The following SAMSN1 variants were observed in gnomAD, a reference collection of about 807,000 sequenced individuals.
The protein encoded by SAMSN1 is SAM domain, SH3 domain and nuclear localization signals 1, also known as SAM domain-containing protein SAMSN-1.
In SAMSN1, 31 loss-of-function variants were observed where a neutral mutation model predicts 42.0. The ratio of observed to expected loss-of-function variants is 0.74; its 90% confidence interval spans 0.55 to 1.00. The LOEUF (loss-of-function observed/expected upper bound fraction) is 1.00. Ranked by LOEUF, SAMSN1 falls within the 50% of genes least tolerant of loss-of-function variation. The probability of loss-of-function intolerance (pLI) is 0.00; values close to 1 mark genes in which losing one functional copy is unlikely to be tolerated. For missense variants in SAMSN1, 464 were observed against 439.4 expected, an observed-to-expected ratio of 1.06 and a Z score of -0.50; for synonymous variants, 178 against 151.9, an observed-to-expected ratio of 1.17 and a Z score of -1.26.
chr21:14,592,956 CATT>C (rs1300799432), intron 7 of SAMSN1, among the ~76,000 whole-genome samples: 1 of 152,090 alleles, frequency 6.6e-6, no homozygotes, highest in Non-Finnish European at 1.5e-5. Flanking sequence ...TTTAACTAGT[CATT>C]AAAAACTCAG....
At chr21:14,513,988 C>T (rs1987799318) in intron 3 of SAMSN1, among the ~76,000 whole-genome samples, 1 of 152,170 alleles carries the variant, frequency 6.6e-6, no homozygotes, top group Admixed American at 6.5e-5. Context: ...CGGGACCCTT[C>T]TTTACTGACA....
chr21:14,648,102 A>C (rs1459367788), intron 1 of SAMSN1, among the ~76,000 whole-genome samples: 3 of 151,240 alleles, frequency 2.0e-5, no homozygotes, highest in Non-Finnish European at 4.4e-5. Context: ...TTGCCCATTC[A>C]GTATGATATT....
At chr21:14,541,654 G>C (rs1407046773) in intron 1 of SAMSN1, among the ~76,000 whole-genome samples, 3 of 152,190 alleles carry the variant, frequency 2.0e-5, no homozygotes, top group Non-Finnish European at 4.4e-5. Context: ...AGAGTAGACT[G>C]AAGAAACTTC....
At chr21:14,644,851 T>C (rs1021892983) in intron 1 of SAMSN1, among the ~76,000 whole-genome samples, 2 of 152,050 alleles carry the variant, frequency 1.3e-5, no homozygotes, top group African/African-American at 2.4e-5. Context: ...TAAGAGACCT[T>C]GGGCCTTAAG....
chr21:14,656,429 A>G (rs1402138197), intron 1 of SAMSN1, among the ~76,000 whole-genome samples: 4 of 151,866 alleles, frequency 2.6e-5, no homozygotes, highest in Non-Finnish European at 4.4e-5. Context: ...TATTGAAGAA[A>G]TTGTGCAGGA....
At chr21:14,612,237 A>G (rs1391554551) in intron 4 of SAMSN1, among the ~76,000 whole-genome samples, 3 of 152,226 alleles carry the variant, frequency 2.0e-5, no homozygotes, top group African/African-American at 7.2e-5. Flanking sequence ...CGTCTTAAAA[A>G]TAACTAAATA....
intron 2 of SAMSN1, among the ~76,000 whole-genome samples, chr21:14,555,549 T>C (rs1980738466): frequency 6.6e-6 from 1 of 152,162 alleles, no homozygotes; most frequent in South Asian, 2.1e-4. Flanking sequence ...CATGGCAGAA[T>C]GACACAGTAG....
intron 2 of SAMSN1, among the ~76,000 whole-genome samples, chr21:14,571,439 A>T (rs1981297528): frequency 6.6e-6 from 1 of 152,184 alleles, no homozygotes; most frequent in Admixed American, 6.5e-5. Flanking sequence ...GTTGTATTTA[A>T]TAGCTGGGAA....
At chr21:14,650,890 A>G (rs957844996) in intron 1 of SAMSN1, among the ~76,000 whole-genome samples, 3 of 152,052 alleles carry the variant, frequency 2.0e-5, no homozygotes, top group African/African-American at 7.2e-5. Context: ...AGTGGCTACT[A>G]TGAGCAACTA....
chr21:14,512,456 G>C lies in SAMSN1; in HGVS notation c.397C>G (p.Gln133Glu). The C allele has an allele frequency of 6.2e-7, 1 of 1,613,860 alleles. No individual in the cohort carries two copies. Among genetic ancestry groups the C allele is most frequent in the South Asian group, 1.1e-5 (1 of 91,066 alleles). The change falls in exon 4 of 8, where the codon CAG (glutamine) becomes GAG (glutamate). Residue 133 changes from glutamine to glutamate, a missense_variant. Coordinates refer to ENST00000400566, the MANE Select transcript of SAMSN1 (RefSeq NM_022136.5). Reference sequence around the variant, plus strand: ...TCATTAGCCTTACTTGATGAGCTCTGTCCACTGTAGAGACTATCCATGGAG... The same window carrying C: ...TCATTAGCCTTACTTGATGAGCTCTCTCCACTGTAGAGACTATCCATGGAG... ...SDSMDSLYSGQSSSSGITSCS... is the reference protein window; with the variant it reads ...SDSMDSLYSGESSSSGITSCS...
intron 2 of SAMSN1, among the ~76,000 whole-genome samples, chr21:14,567,679 T>C (rs140535601): frequency 1.6e-4 from 25 of 152,254 alleles, no homozygotes; most frequent in African/African-American, 5.8e-4. Flanking sequence ...CGTCCTGGTG[T>C]CCTTTTTTCT....
chr21:14,653,886 A>G (rs1983873337), intron 1 of SAMSN1, among the ~76,000 whole-genome samples: 1 of 151,934 alleles, frequency 6.6e-6, no homozygotes, highest in Non-Finnish European at 1.5e-5. Context: ...AGCTATGAGG[A>G]TAAAATAAAT....
rs113633424 is a variant in SAMSN1 at position 14,555,288 on chromosome 21, C to G, written c.261+26848G>C. 5.0e-3 allele frequency among the ~76,000 whole-genome samples: 759 copies of G among 152,244 alleles called. 8 individuals are homozygous for G. Among genetic ancestry groups the G allele is most frequent in the African/African-American group, 0.017 (718 of 41,550 alleles). On this transcript the variant is annotated intron_variant, in intron 2 of 8. Transcript: ENST00000285670. ...AGTTGACATCCTTTCTATCCTTCTCCCAAATCTCTTTGTCTCTTTAGGTTT... is the reference window on the plus strand; with the variant it reads ...AGTTGACATCCTTTCTATCCTTCTCGCAAATCTCTTTGTCTCTTTAGGTTT...
chr21:14,493,667 C>T (rs546397355), intron 7 of SAMSN1, among the ~76,000 whole-genome samples: 1 of 151,724 alleles, frequency 6.6e-6, no homozygotes, highest in African/African-American at 2.4e-5. Context: ...GTAAATGAAA[C>T]ATTTTTAAAT....
intron 2 of SAMSN1, among the ~76,000 whole-genome samples, chr21:14,622,001 C>T (rs565734480): frequency 2.6e-5 from 4 of 152,324 alleles, no homozygotes; most frequent in African/African-American, 9.6e-5. Flanking sequence ...GCTGCTAATA[C>T]CCAGGCAAAC....
intron 2 of SAMSN1, among the ~76,000 whole-genome samples, chr21:14,553,876 T>G (rs1980676225): frequency 1.3e-5 from 2 of 152,098 alleles, no homozygotes; most frequent in South Asian, 4.1e-4. Context: ...AATGTCATAT[T>G]ATGTGTGTTG....
rs1476508959 is a variant in SAMSN1, at chr21:14,498,324, A to T, written c.919+118T>A. On this transcript the variant is annotated intron_variant, in intron 7 of 7. Transcript: ENST00000400566. ...AAACTTATATGAAAATACCTATTTT[A>T]TGGGAAAGCGTGCTTTCATGATCTC... The T allele has an allele frequency of 3.1e-5, 25 of 816,726 alleles. 1 individual carries two copies. The Admixed American group carries it at 7.1e-4, about 23-fold the overall frequency. 50.6% of individuals were successfully genotyped at this position (816,726 alleles called of 1,614,324 possible).
intron 1 of SAMSN1, among the ~76,000 whole-genome samples, chr21:14,527,917 T>C (rs1253341006): frequency 6.6e-6 from 1 of 152,186 alleles, no homozygotes; most frequent in East Asian, 1.9e-4. Context: ...CCATAGACTG[T>C]AAGTCATGCT....
rs955926654 is a variant in SAMSN1, at chr21:14,571,174, T to C, written c.261+10962A>G. On this transcript the variant is annotated intron_variant, in intron 2 of 8. Transcript: ENST00000285670. Reference sequence around the variant, plus strand: ...TCATGTTTATTTATGTGATTAAATATATTTTTGTTTCTAATTAGACTATAA... The same window carrying C: ...TCATGTTTATTTATGTGATTAAATACATTTTTGTTTCTAATTAGACTATAA... 1.1e-4 allele frequency among the ~76,000 whole-genome samples: 17 copies of C among 152,350 alleles called. 1 individual carries two copies. Among genetic ancestry groups the C allele is most frequent in the South Asian group, 4.1e-4 (2 of 4,834 alleles).
Sources: allele counts gnomAD v4.1 joint callset (sites outside exome capture counted in the v4.1 genomes callset), GRCh38; gene constraint gnomAD v4.1.1; transcripts MANE v1.5; gene names NCBI Gene and HGNC (gene_info 2026-07-23, HGNC 2026-07-21).